ZNF688: variants seen among roughly 807,000 people sequenced by gnomAD.
ZNF688 encodes zinc finger protein 688.
ZNF688 carries 10 observed loss-of-function variants against 13.2 expected under a neutral mutation model. The observed-to-expected ratio is 0.76, with a 90% confidence interval of 0.47 to 1.28. The LOEUF (loss-of-function observed/expected upper bound fraction) is 1.28. Ranked by LOEUF, ZNF688 falls within the 50% of genes most tolerant of loss-of-function variation. The probability of loss-of-function intolerance (pLI) is 0.00; values close to 1 mark genes in which losing one functional copy is unlikely to be tolerated. For missense variants in ZNF688, 381 were observed against 391.4 expected (o/e 0.97, Z 0.22); for synonymous variants, 160 against 159.4 (o/e 1.00, Z -0.03).
rs144176650 is a variant in ZNF688, at chr16:30,570,084, C to T, written c.663G>A (p.Lys221=). 1.2e-6 allele frequency: 2 copies of T among 1,611,456 alleles called. No homozygotes were observed. The highest frequency in any genetic ancestry group is 1.7e-6 in the Non-Finnish European group (2 of 1,179,262). ...GGTGCGCTTCCACTGCGAACTTCCT[C>T]TTGAAGCGCATGCCACACTCGGGGC... The part of the protein sequence containing the change: ...FPCPECGMRF[K]RKFAVEAHQW... Residue 221 remains lysine (K), a synonymous_variant, in exon 3 of 3, where the codon AAG becomes AAA. Transcript: ENST00000223459.
At chr16:30,571,990 C>A, upstream of ZNF688, 1 of 1,378,504 alleles carries the variant, frequency 7.3e-7, no homozygotes, top group South Asian at 1.9e-5. Flanking sequence ...CTTCTCTGGC[C>A]TCATCGTCCC....
intron 2 of ZNF688, chr16:30,570,670 A>C: frequency 2.0e-6 from 1 of 499,254 alleles, no homozygotes; most frequent in South Asian, 3.7e-5. Context: ...TTACTGGTTT[A>C]GCTGAGTAGA....
At position 30,571,081 on chromosome 16, in the gene ZNF688, T is replaced by G. The variant is rs1198439440; in HGVS notation, c.239A>C (p.Gln80Pro). The G allele has an allele frequency of 6.2e-7, 1 of 1,603,502 alleles. No homozygotes were observed. Among genetic ancestry groups the G allele is most frequent in the East Asian group, 2.2e-5 (1 of 44,764 alleles). Residue 80 changes from glutamine (Q) to proline (P), a missense_variant, in exon 2 of 3, where the codon CAG becomes CCG. By Grantham distance (76) the Gln-to-Pro change is moderately conservative. Transcript: ENST00000223459. ...PKPALISWME[Q>P]ESEAWSPAAQ... ...GGCGGGGCTCCAAGCCTCACTCTCC[T>G]GTTCCATCCAAGAGATGAGGGCTGG...
At chr16:30,572,043 G>C (rs1283587780), upstream of ZNF688, 1 of 1,418,980 alleles carries the variant, frequency 7.0e-7, no homozygotes, top group Non-Finnish European at 9.3e-7. Context: ...TTTTCTAGTG[G>C]GGGAGGCGGG....
In ZNF688 at chr16:30,571,485, C is replaced by A. The variant is rs761023109; in HGVS notation, c.145G>T (p.Ala49Ser). 3.1e-6 allele frequency: 5 copies of A among 1,590,664 alleles called. No homozygotes were observed. The Admixed American group carries it at 5.3e-5, about 17-fold the overall frequency. The change falls in exon 1 of 3, where the codon GCT becomes TCT. Residue 49 changes from alanine to serine, a missense_variant. Physicochemically the swap from Ala to Ser is moderately conservative, Grantham distance 99 (BLOSUM62 1). Coordinates refer to ENST00000223459, the MANE Select transcript of ZNF688 (RefSeq NM_145271.4). The stretch of plus-strand genomic sequence containing the variant: ...TCCTGCATCACGTCCCGGTACAGAG[C>A]CCTCTGCGCGGGCCGCAGACAGCCC... Reference protein sequence around the residue: ...EWGCLRPAQRALYRDVMQETY... With the variant: ...EWGCLRPAQRSLYRDVMQETY...
chr16:30,571,412 G>T (rs1391950502), intron 1 of ZNF688, 22 bp downstream of exon 1: 1 of 1,551,306 alleles, frequency 6.4e-7, no homozygotes, highest in Non-Finnish European at 8.7e-7. Context: ...AGGAGGAGGG[G>T]GCTCGGACCC....
Position 30,570,906 on chromosome 16 carries a change from A to G in ZNF688, c.310+104T>C, listed in dbSNP as rs1357358563. The G allele has an allele frequency of 4.1e-6, 5 of 1,218,686 alleles. No individual in the cohort carries two copies. The East Asian group carries it at 7.5e-5, about 18-fold the overall frequency. The allele number at this position is 1,218,686 out of a possible 1,614,324, so 75.5% of individuals were successfully genotyped here. A position where few individuals can be genotyped will look rare whatever the true frequency, so the allele number is the denominator to read the frequency against. On this transcript the variant is annotated intron_variant, in intron 2 of 2. Transcript: ENST00000223459. ...TCTTTACTCCTCTAGTACCCAACAC[A>G]GTTGAATTTCTTTAGGGATGCTGGA...
At chr16:30,570,867 T>A (rs2051665400) in intron 2 of ZNF688, 143 bp downstream of exon 2, 1 of 937,886 alleles carries the variant, frequency 1.1e-6, no homozygotes, top group Non-Finnish European at 1.7e-6. Context: ...GAAAACTTTG[T>A]ACCAGGTCTG....
Position 30,571,510 on chromosome 16 carries a change from C to A in ZNF688, c.120G>T (p.Trp40Cys). The A allele has an allele frequency of 6.3e-7, 1 of 1,590,024 alleles. No individual in the cohort carries two copies. The highest frequency in any genetic ancestry group is 8.6e-7 in the Non-Finnish European group (1 of 1,169,110). Residue 40 changes from tryptophan (W) to cysteine (C), a missense_variant, in exon 1 of 3, where the codon TGG becomes TGT. Coordinates refer to ENST00000223459, the MANE Select transcript of ZNF688 (RefSeq NM_145271.4). ...CCCTCTGCGCGGGCCGCAGACAGCC[C>A]CACTCCTCCGGGGAGAAGTACACGG... ...DVAVYFSPEEWGCLRPAQRAL... is the reference protein window; with the variant it reads ...DVAVYFSPEECGCLRPAQRAL...
chr16:30,571,999 C>T, upstream of ZNF688: 2 of 1,385,610 alleles, frequency 1.4e-6, no homozygotes, highest in Non-Finnish European at 9.4e-7. Context: ...CCTCATCGTC[C>T]CACTTGCCCT....
chr16:30,575,729 TCAC>T (rs906360188), upstream of ZNF688, among the ~76,000 whole-genome samples: 1 of 151,566 alleles, frequency 6.6e-6, no homozygotes, highest in African/African-American at 2.4e-5. Flanking sequence ...CAATCTTGGC[TCAC>T]CACAACTTCT....
chr16:30,575,802 G>A (rs569867840), upstream of ZNF688, among the ~76,000 whole-genome samples: 6 of 151,906 alleles, frequency 3.9e-5, no homozygotes, highest in African/African-American at 7.2e-5. Context: ...GATTACAGGC[G>A]CGTGCCACCA....
At chr16:30,578,016 G>C in the ZNF688 span, among the ~76,000 whole-genome samples, 1 of 152,060 alleles carries the variant, frequency 6.6e-6, no homozygotes, top group Non-Finnish European at 1.5e-5. Flanking sequence ...TGTAGCTGAT[G>C]AGTTGTTTTT....
At chr16:30,571,238 C>G (rs2051675765) in intron 1 of ZNF688, 115 bp from the exon 2 acceptor site, 1 of 1,537,434 alleles carries the variant, frequency 6.5e-7, no homozygotes, top group Admixed American at 2.0e-5. Context: ...GAAGGGGCTG[C>G]AGTGCTGCTG....
At chr16:30,571,933 C>G, upstream of ZNF688, 1 of 1,288,318 alleles carries the variant, frequency 7.8e-7, no homozygotes, top group Middle Eastern at 3.0e-4. Flanking sequence ...ACAGGCTGCT[C>G]TTAAGGGCGC....
chr16:30,570,683 C>G (rs2051660834), intron 2 of ZNF688: 1 of 442,162 alleles, frequency 2.3e-6, no homozygotes, highest in Non-Finnish European at 3.9e-6. Context: ...TGAGTAGATG[C>G]ATGTTAAGCA....
At chr16:30,572,250 CTG>C, upstream of ZNF688, 1 of 1,571,426 alleles carries the variant, frequency 6.4e-7, no homozygotes. Context: ...TGTTGACAGA[CTG>C]GAGCGCAGCG....
upstream of ZNF688, chr16:30,572,271 G>A (rs759515340): frequency 8.5e-6 from 13 of 1,526,874 alleles, no homozygotes; most frequent in Non-Finnish European, 1.1e-5. Flanking sequence ...CGGAGACCTC[G>A]GCATCTGCGG....
the ZNF688 span, chr16:30,579,466 CAA>C: frequency 1.5e-5 from 3 of 198,192 alleles, no homozygotes; most frequent in Admixed American, 1.1e-4. Context: ...CAGCTTACTG[CAA>C]CCTCTGTCTC....
Sources: allele counts gnomAD v4.1 joint callset (sites outside exome capture counted in the v4.1 genomes callset), GRCh38; gene constraint gnomAD v4.1.1; transcripts MANE v1.5; gene names NCBI Gene and HGNC (gene_info 2026-07-23, HGNC 2026-07-21).